Variants in WWOX observed in about 807,000 individuals in gnomAD.
WWOX encodes WW domain containing oxidoreductase, also known as WW domain-containing oxidoreductase.
WWOX carries 69 observed loss-of-function variants against 46.2 expected under a neutral mutation model. The observed-to-expected ratio is 1.49, with a 90% CI of 1.23 to 1.82. The LOEUF (loss-of-function observed/expected upper bound fraction) is 1.82, where lower values mean the gene tolerates loss of function less well. Among genes scored for constraint, WWOX ranks in the 40% most tolerant of loss-of-function variants. The probability of loss-of-function intolerance (pLI) is 0.00; values close to 1 mark genes in which losing one functional copy is unlikely to be tolerated. For synonymous variants in WWOX, 359 were observed against 202.6 expected (o/e 1.77, Z -6.56); for missense variants, 919 against 542.6 (o/e 1.69, Z -6.89).
chr16:78,808,603 C>T (rs1030557824), intron 8 of WWOX, among the ~76,000 whole-genome samples: 33 of 152,264 alleles, frequency 2.2e-4, no homozygotes, highest in African/African-American at 7.7e-4. Flanking sequence ...GCCTCTTCCT[C>T]ACTGCTTCAT....
chr16:79,192,348 C>T (rs566771974), intron 8 of WWOX, among the ~76,000 whole-genome samples: 30 of 152,108 alleles, frequency 2.0e-4, no homozygotes, highest in African/African-American at 7.0e-4. Context: ...TCCACCCATC[C>T]ATTCATTCAT....
At chr16:78,508,487 C>A (rs1006023584) in intron 8 of WWOX, among the ~76,000 whole-genome samples, 2 of 152,122 alleles carry the variant, frequency 1.3e-5, no homozygotes, top group Non-Finnish European at 2.9e-5. Flanking sequence ...TAGCTAATTG[C>A]TCTGCAGAAC....
chr16:78,465,130 A>G (rs185459754), intron 8 of WWOX, among the ~76,000 whole-genome samples: 1 of 152,322 alleles, frequency 6.6e-6, no homozygotes, highest in Non-Finnish European at 1.5e-5. Context: ...GTTACCTCCC[A>G]CTGGGTCCCT....
intron 5 of WWOX, among the ~76,000 whole-genome samples, chr16:78,228,500 C>T (rs1467072142): frequency 6.6e-6 from 1 of 152,016 alleles, no homozygotes; most frequent in Non-Finnish European, 1.5e-5. Context: ...TGCCACCATG[C>T]CCAACTAACT....
chr16:79,173,359 C>A (rs571160047), intron 8 of WWOX, among the ~76,000 whole-genome samples: 12 of 152,224 alleles, frequency 7.9e-5, no homozygotes, highest in African/African-American at 2.9e-4. Context: ...CTCAGTAACC[C>A]ATTGGTGCAG....
intron 8 of WWOX, among the ~76,000 whole-genome samples, chr16:79,185,144 C>G (rs1246667121): frequency 6.6e-6 from 1 of 152,092 alleles, no homozygotes; most frequent in Non-Finnish European, 1.5e-5. Flanking sequence ...GGGGAGAGGC[C>G]CCTTCCCTCT....
At chr16:78,656,092 G>C (rs968418386) in intron 8 of WWOX, among the ~76,000 whole-genome samples, 1 of 152,198 alleles carries the variant, frequency 6.6e-6, no homozygotes, top group Non-Finnish European at 1.5e-5. Context: ...CTTCAGTACA[G>C]TATGGGATGG....
intron 8 of WWOX, among the ~76,000 whole-genome samples, chr16:78,532,619 G>T (rs896308874): frequency 6.6e-6 from 1 of 152,152 alleles, no homozygotes; most frequent in Non-Finnish European, 1.5e-5. Context: ...AAAAGAAAAA[G>T]GTTTATTGGA....
chr16:78,435,431 G>A (rs1404405871), intron 8 of WWOX, among the ~76,000 whole-genome samples: 1 of 152,196 alleles, frequency 6.6e-6, no homozygotes, highest in Non-Finnish European at 1.5e-5. Context: ...CAAGGCTTGG[G>A]AGAAACAAAT....
chr16:78,555,336 C>G (rs2044269372), intron 8 of WWOX, among the ~76,000 whole-genome samples: 1 of 152,080 alleles, frequency 6.6e-6, no homozygotes, highest in Non-Finnish European at 1.5e-5. Flanking sequence ...TCACATTTCC[C>G]AAAACATATC....
chr16:78,839,948 G>A (rs2052093758), intron 8 of WWOX, among the ~76,000 whole-genome samples: 1 of 152,134 alleles, frequency 6.6e-6, no homozygotes, highest in Non-Finnish European at 1.5e-5. Flanking sequence ...TATATTATTA[G>A]CTAGTGACTT....
At chr16:78,935,341 C>G (rs1225875022) in intron 8 of WWOX, among the ~76,000 whole-genome samples, 1 of 152,134 alleles carries the variant, frequency 6.6e-6, no homozygotes, top group East Asian at 1.9e-4. Context: ...ATAGCAAAGA[C>G]TTGGAACCAA....
At chr16:78,171,476 G>C (rs11639672) in intron 5 of WWOX, among the ~76,000 whole-genome samples, 12,727 of 152,152 alleles carry the variant, frequency 0.084, 590 homozygotes, top group Non-Finnish European at 0.094. Flanking sequence ...ATGTGTTGGG[G>C]GGAGGCATGT....
At chr16:78,163,528 G>A (rs1035008111) in intron 4 of WWOX, among the ~76,000 whole-genome samples, 1 of 152,172 alleles carries the variant, frequency 6.6e-6, no homozygotes, top group African/African-American at 2.4e-5. Context: ...AATGAAATAT[G>A]CCTTGAAGGA....
At chr16:79,084,297 A>G (rs922307183) in intron 8 of WWOX, among the ~76,000 whole-genome samples, 2 of 152,238 alleles carry the variant, frequency 1.3e-5, no homozygotes, top group African/African-American at 2.4e-5. Context: ...AGAACTCTAA[A>G]TAGAGAAAAT....
intron 8 of WWOX, among the ~76,000 whole-genome samples, chr16:79,109,883 T>C (rs2049383735): frequency 6.6e-6 from 1 of 152,194 alleles, no homozygotes; most frequent in African/African-American, 2.4e-5. Flanking sequence ...GATTTGGCAT[T>C]CTGCATGTTG....
intron 8 of WWOX, among the ~76,000 whole-genome samples, chr16:78,842,178 A>G (rs969814579): frequency 5.3e-5 from 8 of 152,106 alleles, no homozygotes; most frequent in African/African-American, 1.4e-4. Context: ...CAGCAGTGGA[A>G]CACTTGAAGA....
chr16:78,295,244 CTA>C (rs1388544522), intron 5 of WWOX, among the ~76,000 whole-genome samples: 1 of 152,154 alleles, frequency 6.6e-6, no homozygotes, highest in Admixed American at 6.5e-5. Flanking sequence ...GAGGATTAAT[CTA>C]GACTGAAATG....
intron 8 of WWOX, among the ~76,000 whole-genome samples, chr16:78,781,202 T>C (rs558905915): frequency 1.3e-5 from 2 of 152,324 alleles, no homozygotes; most frequent in South Asian, 4.1e-4. Context: ...ACCCCTGGCT[T>C]GTTCCAAAGC....
Sources: allele counts gnomAD v4.1 joint callset (sites outside exome capture counted in the v4.1 genomes callset), GRCh38; gene constraint gnomAD v4.1.1; transcripts MANE v1.5; gene names NCBI Gene and HGNC (gene_info 2026-07-23, HGNC 2026-07-21).